HEMK2: variants seen among roughly 807,000 people sequenced by gnomAD.
HEMK2 encodes methyltransferase HEMK2.
chr21:28,663,270 T>A, the HEMK2 span, among the ~76,000 whole-genome samples: 23,575 of 152,192 alleles, frequency 0.15, 2,062 homozygotes, highest in East Asian at 0.25. Context: ...GACACATGCC[T>A]GTCTAAAGAG....
chr21:28,821,629 G>GA, the HEMK2 span, among the ~76,000 whole-genome samples: 6 of 152,076 alleles, frequency 3.9e-5, no homozygotes, highest in African/African-American at 9.7e-5. Flanking sequence ...ATGTTTATCT[G>GA]AAAAAATCAG....
At chr21:28,584,578 G>C in the HEMK2 span, among the ~76,000 whole-genome samples, 3,594 of 151,938 alleles carry the variant, frequency 0.024, 152 homozygotes, top group African/African-American at 0.083. Flanking sequence ...AAGTAAGTGG[G>C]GTCACATCTC....
the HEMK2 span, among the ~76,000 whole-genome samples, chr21:28,764,499 T>G: frequency 6.6e-6 from 1 of 152,074 alleles, no homozygotes; most frequent in Non-Finnish European, 1.5e-5. Flanking sequence ...CAATGAAACC[T>G]GTTTTACTTC....
chr21:28,598,272 C>G, the HEMK2 span, among the ~76,000 whole-genome samples: 1 of 152,094 alleles, frequency 6.6e-6, no homozygotes, highest in African/African-American at 2.4e-5. Context: ...TTGATCATAA[C>G]GTTTATGGTG....
the HEMK2 span, among the ~76,000 whole-genome samples, chr21:28,677,837 C>T: frequency 1.3e-5 from 2 of 152,206 alleles, no homozygotes; most frequent in Admixed American, 6.5e-5. Flanking sequence ...GCTGAGGGTC[C>T]TGAGTGTTAG....
the HEMK2 span, among the ~76,000 whole-genome samples, chr21:28,772,700 G>A: frequency 5.9e-3 from 901 of 152,118 alleles, 8 homozygotes; most frequent in African/African-American, 0.02. Flanking sequence ...TCACTCAAAA[G>A]CTAATTCAGA....
At chr21:28,617,198 G>A in the HEMK2 span, among the ~76,000 whole-genome samples, 1 of 152,168 alleles carries the variant, frequency 6.6e-6, no homozygotes, top group Non-Finnish European at 1.5e-5. Flanking sequence ...AGATCTAGAA[G>A]AACCTTCCAC....
the HEMK2 span, among the ~76,000 whole-genome samples, chr21:28,798,506 G>GT: frequency 0.2 from 30,181 of 149,094 alleles, 3,321 homozygotes; most frequent in East Asian, 0.4. Context: ...AAGTAAGCCT[G>GT]TTTTTTTTTT....
At chr21:28,602,118 G>T in the HEMK2 span, among the ~76,000 whole-genome samples, 89,966 of 151,504 alleles carry the variant, frequency 0.59, 26,915 homozygotes, top group East Asian at 0.82. Flanking sequence ...ATTTAACTAT[G>T]AAGGAGAAAA....
At chr21:28,733,085 C>G in the HEMK2 span, among the ~76,000 whole-genome samples, 1 of 152,116 alleles carries the variant, frequency 6.6e-6, no homozygotes, top group Non-Finnish European at 1.5e-5. Flanking sequence ...CAAGACCATC[C>G]TGGCTAACAC....
chr21:28,608,067 T>A, the HEMK2 span, among the ~76,000 whole-genome samples: 1 of 152,082 alleles, frequency 6.6e-6, no homozygotes, highest in Admixed American at 6.5e-5. Flanking sequence ...TGCAGGACCA[T>A]TTGGAGGGAT....
the HEMK2 span, chr21:28,876,245 C>T: frequency 1.9e-6 from 1 of 518,640 alleles, no homozygotes; most frequent in South Asian, 3.5e-5. Flanking sequence ...ATAGGCCTGA[C>T]TGAAAGGGAA....
At chr21:28,609,629 AGGTGAAGTCCAACTT>A in the HEMK2 span, among the ~76,000 whole-genome samples, 1 of 151,096 alleles carries the variant, frequency 6.6e-6, no homozygotes, top group Non-Finnish European at 1.5e-5. Context: ...CACCAGAGAA[AGGTGAAGTCCAACTT>A]AAAGAAAAAA....
the HEMK2 span, among the ~76,000 whole-genome samples, chr21:28,594,070 T>A: frequency 6.6e-6 from 1 of 152,244 alleles, no homozygotes; most frequent in Non-Finnish European, 1.5e-5. Context: ...ATTTTACCTC[T>A]GTGATCTTGC....
the HEMK2 span, among the ~76,000 whole-genome samples, chr21:28,685,793 T>TA: frequency 4.5e-4 from 68 of 152,144 alleles, no homozygotes; most frequent in South Asian, 2.1e-3. Context: ...GGGCAGGTAT[T>TA]AGAGTCAGGG....
chr21:28,862,502 G>A, the HEMK2 span, among the ~76,000 whole-genome samples: 14 of 145,454 alleles, frequency 9.6e-5, 1 homozygote, highest in Admixed American at 2.0e-4. Context: ...AGCCTGGCGC[G>A]GTGGCGGGCG....
At chr21:28,831,474 A>AAGAACGAACGAAC in the HEMK2 span, among the ~76,000 whole-genome samples, 1 of 42,390 alleles carries the variant, frequency 2.4e-5, no homozygotes, top group Non-Finnish European at 4.0e-5. Context: ...AAAGAAAGAA[A>AAGAACGAACGAAC]GAAAGAAAGA....
chr21:28,717,670 G>A, the HEMK2 span, among the ~76,000 whole-genome samples: 1 of 151,912 alleles, frequency 6.6e-6, no homozygotes. Context: ...AGTAGAGACA[G>A]GGTTTCACCT....
At chr21:28,609,257 G>C in the HEMK2 span, among the ~76,000 whole-genome samples, 1 of 152,120 alleles carries the variant, frequency 6.6e-6, no homozygotes, top group Non-Finnish European at 1.5e-5. Context: ...TACCAGCTTG[G>C]AGCACAGTAG....
Sources: gnomAD v4.1 joint callset for allele counts (sites outside exome capture counted in the v4.1 genomes callset) on GRCh38, gnomAD v4.1.1 for gene constraint, MANE v1.5 for transcripts, NCBI Gene and HGNC (gene_info 2026-07-23, HGNC 2026-07-21) for gene names.